The following C1orf74 variants were observed in gnomAD, a reference collection of about 807,000 sequenced individuals.
C1orf74 encodes chromosome 1 open reading frame 74.
Under a neutral mutation model 7.3 loss-of-function variants are expected in C1orf74, and 5 were observed. The observed-to-expected ratio is 0.68, with a 90% CI of 0.36 to 1.44. C1orf74 has a LOEUF of 1.44. Among genes scored for constraint, C1orf74 ranks in the 40% most tolerant of loss-of-function variants. The pLI is 0.04. For missense variants in C1orf74, 291 were observed against 314.3 expected (o/e 0.93, Z 0.56); for synonymous variants, 121 against 132.5 (o/e 0.91, Z 0.59).
At position 209,780,431 on chromosome 1, in the gene C1orf74, T is replaced by C. The variant is rs563279671; in HGVS notation, c.*2394A>G. The C allele has an allele frequency of 6.6e-7, 1 of 1,505,830 alleles. No individual in the cohort carries two copies. The highest frequency in any genetic ancestry group is 8.9e-7 in the Non-Finnish European group (1 of 1,117,836). 93.3% of individuals were successfully genotyped at this position (1,505,830 alleles called of 1,614,324 possible). On this transcript the variant is annotated 3_prime_UTR_variant, in exon 2 of 2. Coordinates refer to ENST00000294811, the MANE Select transcript of C1orf74 (RefSeq NM_152485.4). ...CCCTCAGGGCCCTTCCTCAGAGGTG[T>C]GGGCCTCACTGTCACCAAGAATCTG...
Position 209,780,420 on chromosome 1 carries a change from C to T in C1orf74, c.*2405G>A, listed in dbSNP as rs142296496. The T allele has an allele frequency of 8.3e-5, 122 of 1,462,414 alleles. 1 individual carries two copies. In the East Asian group the frequency reaches 1.6e-3, roughly 19 times the overall value. 90.6% of individuals were successfully genotyped at this position (1,462,414 alleles called of 1,614,324 possible). ...TAGTGGTTTCACCCTCAGGGCCCTT[C>T]CTCAGAGGTGTGGGCCTCACTGTCA... On this transcript the variant is annotated 3_prime_UTR_variant, in exon 2 of 2. Coordinates refer to ENST00000294811, the MANE Select transcript of C1orf74 (RefSeq NM_152485.4).
rs1571971091 is a variant in C1orf74, at chr1:209,781,287, G to A, written c.*1538C>T. 8.1e-7 allele frequency: 1 copy of A among 1,233,668 alleles called. No homozygotes were observed. Among genetic ancestry groups the A allele is most frequent in the East Asian group, 2.4e-5 (1 of 41,684 alleles). 76.4% of individuals were successfully genotyped at this position (1,233,668 alleles called of 1,614,324 possible). A position where few individuals can be genotyped will look rare whatever the true frequency, so the allele number is the denominator to read the frequency against. ...AAACTTACAAAGGGCAGTCTCCCCT[G>A]CCTGGGCTCTGTCCTAGACAGAAGT... On this transcript the variant is annotated 3_prime_UTR_variant, in exon 2 of 2. Transcript: ENST00000294811.
In C1orf74 at chr1:209,782,957, A is replaced by T; in HGVS notation, c.678T>A (p.Ser226Arg). The T allele has an allele frequency of 6.2e-7, 1 of 1,614,026 alleles. No individual in the cohort carries two copies. The highest frequency in any genetic ancestry group is 1.1e-5 in the South Asian group (1 of 91,066). Residue 226 changes from serine to arginine, a missense_variant, in exon 2 of 2, where the codon AGT becomes AGA. Physicochemically the swap from Ser to Arg is moderately radical, Grantham distance 110 (BLOSUM62 -1). Transcript: ENST00000294811. The stretch of plus-strand genomic sequence containing the variant: ...GAATGTCCCTCAGGCCTGGGAACAA[A>T]CTCTCTGGGACACTAAAAGAATAGA... Reference protein sequence around the residue: ...ILLYSFSVPESLFPGLRDILN... With the variant: ...ILLYSFSVPERLFPGLRDILN...
Position 209,780,476 on chromosome 1 carries a change from C to T in C1orf74, c.*2349G>A, listed in dbSNP as rs1210828526. 5.1e-6 allele frequency: 8 copies of T among 1,582,000 alleles called. No individual in the cohort carries two copies. The East Asian group carries it at 9.2e-5, about 18-fold the overall frequency. ...AATCTGGCTGCTTTTTTAGATCAGG[C>T]TTTGCCCGTGTGGAGTCCAAAGTCC... On this transcript the variant is annotated 3_prime_UTR_variant, in exon 2 of 2. Transcript: ENST00000294811.
Position 209,780,410 on chromosome 1 carries a change from C to G in C1orf74, c.*2415G>C. The G allele has an allele frequency of 7.0e-7, 1 of 1,427,034 alleles. No individual in the cohort carries two copies. Among genetic ancestry groups the G allele is most frequent in the Non-Finnish European group, 9.3e-7 (1 of 1,076,374 alleles). The allele number at this position is 1,427,034 out of a possible 1,614,324, so 88.4% of individuals were successfully genotyped here. ...TCCCCACTCCTAGTGGTTTCACCCT[C>G]AGGGCCCTTCCTCAGAGGTGTGGGC... On this transcript the variant is annotated 3_prime_UTR_variant, in exon 2 of 2. Transcript: ENST00000294811.
chr1:209,780,654 A>C lies in C1orf74; in HGVS notation c.*2171T>G, dbSNP rs2077757163. 28 of 1,461,974 alleles carry C rather than the reference A, an allele frequency of 1.9e-5. No individual in the cohort carries two copies. The highest frequency in any genetic ancestry group is 2.4e-5 in the Non-Finnish European group (26 of 1,094,398). The allele number at this position is 1,461,974 out of a possible 1,614,324, so 90.6% of individuals were successfully genotyped here. A position where few individuals can be genotyped will look rare whatever the true frequency, so the allele number is the denominator to read the frequency against. On this transcript the variant is annotated 3_prime_UTR_variant, in exon 2 of 2. Transcript: ENST00000294811. The stretch of plus-strand genomic sequence containing the variant: ...TGAGGGCTCATTTGCGAAATAGCAG[A>C]GAAACCTGGGAGGCAGTCAAAAAGC...
In C1orf74 at chr1:209,780,485, T is replaced by G. The variant is rs753919691; in HGVS notation, c.*2340A>C. 9 of 1,594,088 alleles carry G rather than the reference T, an allele frequency of 5.6e-6. No individual in the cohort carries two copies. The highest frequency in any genetic ancestry group is 7.7e-6 in the Non-Finnish European group (9 of 1,169,410). ...GCTTTTTTAGATCAGGCTTTGCCCG[T>G]GTGGAGTCCAAAGTCCTTCCCTAAC... On this transcript the variant is annotated 3_prime_UTR_variant, in exon 2 of 2. Transcript: ENST00000294811.
chr1:209,779,476 C>G lies in C1orf74; in HGVS notation c.*3349G>C. On this transcript the variant is annotated 3_prime_UTR_variant, in exon 2 of 2. Transcript: ENST00000294811. ...TGACCTCCTGGAGTCCCAGCCAGTT[C>G]TGGGAGTCTGTTAAGTCCGGGATGT... The G allele has an allele frequency of 2.0e-6, 2 of 996,802 alleles. No individual in the cohort carries two copies. Among genetic ancestry groups the G allele is most frequent in the Non-Finnish European group, 3.2e-6 (2 of 627,938 alleles). The allele number at this position is 996,802 out of a possible 1,614,324, so 61.7% of individuals were successfully genotyped here. A position where few individuals can be genotyped will look rare whatever the true frequency, so the allele number is the denominator to read the frequency against.
chr1:209,783,350 G>A lies in C1orf74; in HGVS notation c.285C>T (p.Val95=). 1 of 1,614,208 alleles carries A rather than the reference G, an allele frequency of 6.2e-7. No individual in the cohort carries two copies. Among genetic ancestry groups the A allele is most frequent in the South Asian group, 1.1e-5 (1 of 91,078 alleles). ...ILEIGENSLI[V]SPEHVCQHLE... ...AGTGCTGACATACATGCTCAGGACT[G>A]ACAATCAGGCTGTTTTCTCCAATCT... The change falls in exon 2 of 2, where the codon GTC becomes GTT. Residue 95 remains valine (V), a synonymous_variant. Coordinates refer to ENST00000294811, the MANE Select transcript of C1orf74 (RefSeq NM_152485.4).
rs868553521 is a variant in C1orf74, at chr1:209,781,316, A to C, written c.*1509T>G. The C allele has an allele frequency of 6.7e-7, 1 of 1,497,270 alleles. No homozygotes were observed. Among genetic ancestry groups the C allele is most frequent in the Middle Eastern group, 1.7e-4 (1 of 5,854 alleles). The allele number at this position is 1,497,270 out of a possible 1,614,324, so 92.7% of individuals were successfully genotyped here. ...GGGCTCTGTCCTAGACAGAAGTGACAGTGATGACTTTGGTGATGTTCTCCC... is the reference window on the plus strand; with the variant it reads ...GGGCTCTGTCCTAGACAGAAGTGACCGTGATGACTTTGGTGATGTTCTCCC... On this transcript the variant is annotated 3_prime_UTR_variant, in exon 2 of 2. Coordinates refer to ENST00000294811, the MANE Select transcript of C1orf74 (RefSeq NM_152485.4).
chr1:209,782,836 C>G lies in C1orf74; in HGVS notation c.799G>C (p.Val267Leu). The change falls in exon 2 of 2, where the codon GTG becomes CTG. Residue 267 changes from valine to leucine, a missense_variant. Val to Leu is a conservative substitution (Grantham distance 32). Coordinates refer to ENST00000294811, the MANE Select transcript of C1orf74 (RefSeq NM_152485.4). ...ISSEIVTLPAVAL is the reference protein window; with the variant it reads ...ISSEIVTLPALAL ...GAGGAGAGTTAAAGTCAGAGGGCCACAGCCGGCAGTGTGACTATCTCAGAG... is the reference window on the plus strand; with the variant it reads ...GAGGAGAGTTAAAGTCAGAGGGCCAGAGCCGGCAGTGTGACTATCTCAGAG... 1 of 1,613,810 alleles carries G rather than the reference C, an allele frequency of 6.2e-7. No homozygotes were observed. Among genetic ancestry groups the G allele is most frequent in the African/African-American group, 1.3e-5 (1 of 75,056 alleles).
chr1:209,779,385 T>C lies in C1orf74; in HGVS notation c.*3440A>G, dbSNP rs779321272. 1.9e-6 allele frequency: 3 copies of C among 1,610,968 alleles called. No individual in the cohort carries two copies. Among genetic ancestry groups the C allele is most frequent in the Non-Finnish European group, 2.5e-6 (3 of 1,177,120 alleles). On this transcript the variant is annotated 3_prime_UTR_variant, in exon 2 of 2. Coordinates refer to ENST00000294811, the MANE Select transcript of C1orf74 (RefSeq NM_152485.4). ...TCTTAACAAAGAAAGGTCAGCAAAT[T>C]TATTACCACAAATTCTAAGATATTG...
rs776074300 is a variant in C1orf74 at position 209,783,608 on chromosome 1, T to C, written c.27A>G (p.Ser9=). The C allele has an allele frequency of 6.2e-7, 1 of 1,603,910 alleles. No homozygotes were observed. Among genetic ancestry groups the C allele is most frequent in the Admixed American group, 1.7e-5 (1 of 57,982 alleles). ...CTGCCACCAGCAGCTGAGGGCTCGGTGATGACATGAGATCTAGAAGCAACA... is the reference window on the plus strand; with the variant it reads ...CTGCCACCAGCAGCTGAGGGCTCGGCGATGACATGAGATCTAGAAGCAACA... MLLLDLMS[S]PSPQLLVAAA... The change falls in exon 2 of 2, where the codon TCA becomes TCG. Residue 9 remains serine, a synonymous_variant. Transcript: ENST00000294811.
Position 209,783,724 on chromosome 1 carries a change from G to A in C1orf74, c.-75-15C>T. The A allele has an allele frequency of 1.9e-6, 2 of 1,081,040 alleles. No individual in the cohort carries two copies. Among genetic ancestry groups the A allele is most frequent in the Non-Finnish European group, 2.7e-6 (2 of 744,764 alleles). 67.0% of individuals were successfully genotyped at this position (1,081,040 alleles called of 1,614,324 possible). A position where few individuals can be genotyped will look rare whatever the true frequency, so the allele number is the denominator to read the frequency against. Reference sequence around the variant, plus strand: ...TGAGGAGGGGCCTAGAAACAAAGCAGGAGCAGGGAATTATTAACAGCCTTC... The same window carrying A: ...TGAGGAGGGGCCTAGAAACAAAGCAAGAGCAGGGAATTATTAACAGCCTTC... On this transcript the variant is annotated splice_polypyrimidine_tract_variant and intron_variant, in intron 1 of 1. Coordinates refer to ENST00000294811, the MANE Select transcript of C1orf74 (RefSeq NM_152485.4).
rs1239803014 is a variant in C1orf74 at position 209,780,039 on chromosome 1, C to G, written c.*2786G>C. On this transcript the variant is annotated 3_prime_UTR_variant, in exon 2 of 2. Coordinates refer to ENST00000294811, the MANE Select transcript of C1orf74 (RefSeq NM_152485.4). The stretch of plus-strand genomic sequence containing the variant: ...GACTGCAGGGTGGCTAAAAAACCAT[C>G]TTTAACCATATGAAGATAAATTTTA... 1.9e-5 allele frequency: 3 copies of G among 157,462 alleles called. No homozygotes were observed. The highest frequency in any genetic ancestry group is 7.2e-5 in the African/African-American group (3 of 41,606). The allele number at this position is 157,462 out of a possible 1,614,324, so 9.8% of individuals were successfully genotyped here.
chr1:209,780,648 T>A lies in C1orf74; in HGVS notation c.*2177A>T. 6.8e-7 allele frequency: 1 copy of A among 1,468,708 alleles called. No individual in the cohort carries two copies. Among genetic ancestry groups the A allele is most frequent in the Non-Finnish European group, 9.1e-7 (1 of 1,097,918 alleles). The allele number at this position is 1,468,708 out of a possible 1,614,324, so 91.0% of individuals were successfully genotyped here. Reference sequence around the variant, plus strand: ...AGATAGTGAGGGCTCATTTGCGAAATAGCAGAGAAACCTGGGAGGCAGTCA... The same window carrying A: ...AGATAGTGAGGGCTCATTTGCGAAAAAGCAGAGAAACCTGGGAGGCAGTCA... On this transcript the variant is annotated 3_prime_UTR_variant, in exon 2 of 2. Coordinates refer to ENST00000294811, the MANE Select transcript of C1orf74 (RefSeq NM_152485.4).
At chr1:209,784,289 C>T (rs1487480778) in intron 1 of C1orf74, 89 bp downstream of exon 1, 1 of 151,746 alleles carries the variant, frequency 6.6e-6, no homozygotes, top group African/African-American at 2.4e-5. Flanking sequence ...CAAGGACCCT[C>T]GGAAGATGAG....
In C1orf74 at chr1:209,782,261, A is replaced by C; in HGVS notation, c.*564T>G. The C allele has an allele frequency of 1.3e-6, 1 of 785,240 alleles. No homozygotes were observed. The highest frequency in any genetic ancestry group is 2.2e-6 in the Non-Finnish European group (1 of 459,270). 48.6% of individuals were successfully genotyped at this position (785,240 alleles called of 1,614,324 possible). Reference sequence around the variant, plus strand: ...TTTTCCAACTGACTTAGGATTTCTGACTTTTTATTAATTTCTTAACCTACT... The same window carrying C: ...TTTTCCAACTGACTTAGGATTTCTGCCTTTTTATTAATTTCTTAACCTACT... On this transcript the variant is annotated 3_prime_UTR_variant, in exon 2 of 2. Coordinates refer to ENST00000294811, the MANE Select transcript of C1orf74 (RefSeq NM_152485.4).
At position 209,780,565 on chromosome 1, in the gene C1orf74, C is replaced by T. The variant is rs749217802; in HGVS notation, c.*2260G>A. 2.5e-6 allele frequency: 4 copies of T among 1,600,008 alleles called. No individual in the cohort carries two copies. In the East Asian group the frequency reaches 6.8e-5, roughly 27 times the overall value. On this transcript the variant is annotated 3_prime_UTR_variant, in exon 2 of 2. Transcript: ENST00000294811. The stretch of plus-strand genomic sequence containing the variant: ...GAAAGACTGGGATCTCAGAGACCAG[C>T]TGCAAAAGAAGACTTTGCAGCTCCA...
Sources: gnomAD v4.1 joint callset for allele counts on GRCh38, gnomAD v4.1.1 for gene constraint, MANE v1.5 for transcripts, NCBI Gene and HGNC (gene_info 2026-07-23, HGNC 2026-07-21) for gene names.